The following PLXNB1 variants were observed in gnomAD, a reference collection of about 807,000 sequenced individuals.
The protein encoded by PLXNB1 is plexin-B1.
In PLXNB1, 106 loss-of-function variants were observed where a neutral mutation model predicts 209.4. That is an observed-to-expected ratio of 0.51 (90% CI 0.43 to 0.59). The LOEUF (loss-of-function observed/expected upper bound fraction) is 0.59. Ranked by LOEUF, PLXNB1 falls within the 20% of genes least tolerant of loss-of-function variation. The probability of loss-of-function intolerance (pLI) is 0.00; values close to 1 mark genes in which losing one functional copy is unlikely to be tolerated. For synonymous variants in PLXNB1, 1,167 were observed against 1,183.2 expected (o/e 0.99, Z 0.28); for missense variants, 2,357 against 2,853.2 (o/e 0.83, Z 3.96).
chr3:48,415,461 T>G lies in PLXNB1; in HGVS notation c.3795-114A>C, dbSNP rs115869055. 0.034 allele frequency: 46,593 copies of G among 1,363,016 alleles called. 907 individuals carry two copies. Among genetic ancestry groups the G allele is most frequent in the Non-Finnish European group, 0.042 (41,369 of 990,422 alleles). The allele number at this position is 1,363,016 out of a possible 1,614,324, so 84.4% of individuals were successfully genotyped here. On this transcript the variant is annotated intron_variant, in intron 19 of 37. Transcript: ENST00000296440. The surrounding 1 kb of genome is among the most constrained non-coding windows in gnomAD (Gnocchi z 5.0). ...CCCCAGCCCCAAACCACACGACCCC[T>G]TGCCCCTACTAGCAGCATGGGATTC...
Position 48,419,586 on chromosome 3 carries a change from G to C in PLXNB1, c.2700C>G (p.Leu900=). Residue 900 remains leucine, a synonymous_variant, in exon 11 of 38, where the codon CTC becomes CTG. Transcript: ENST00000296440. This position sits in a 1 kb window ranked among gnomAD's most constrained non-coding sequence, Gnocchi z 5.7. ...SLDYQYDTPG[L]WELEEATLGA... ...CTGGGCTGGGCCTCACCAGCTCCCAGAGCCCGGGGGTGTCATACTGGTAGT... is the reference window on the plus strand; with the variant it reads ...CTGGGCTGGGCCTCACCAGCTCCCACAGCCCGGGGGTGTCATACTGGTAGT... 5.6e-6 allele frequency: 9 copies of C among 1,605,012 alleles called. No homozygotes were observed. The highest frequency in any genetic ancestry group is 6.8e-6 in the Non-Finnish European group (8 of 1,173,810).
At position 48,413,744 on chromosome 3, in the gene PLXNB1, C is replaced by T; in HGVS notation, c.4461G>A (p.Val1487=). ...CCACCCCCAAGCCCACCTGGGCTGC[C>T]ACAGGAAAAGCCCCAGGGCTCTCGC... ...YDGESPGAFP[V]AAQVGLGVGT... is the part of the protein sequence containing the mutation. The change falls in exon 23 of 38, where the codon GTG becomes GTA. Residue 1487 remains valine (V), a synonymous_variant. Transcript: ENST00000296440. This position sits in a 1 kb window ranked among gnomAD's most constrained non-coding sequence, Gnocchi z 5.4. 6.2e-7 allele frequency: 1 copy of T among 1,613,816 alleles called. No homozygotes were observed. The highest frequency in any genetic ancestry group is 8.5e-7 in the Non-Finnish European group (1 of 1,180,020).
chr3:48,411,904 C>A lies in PLXNB1; in HGVS notation c.5206G>T (p.Asp1736Tyr). Residue 1736 changes from aspartate (D) to tyrosine (Y), a missense_variant, in exon 28 of 38, where the codon GAC (aspartate) becomes TAC (tyrosine). Around this residue, in one of 7 missense-constraint regions of PLXNB1, gnomAD observed 65 missense variants for 127.6 expected, o/e 0.51. Transcript: ENST00000296440. This position sits in a 1 kb window ranked among gnomAD's most constrained non-coding sequence, Gnocchi z 4.0. ...ACATCCTCTCTGAGCAGGCGGTTGT[C>A]GTTCAAGGTGTATTTGGCCTTGCCT... is the stretch of plus-strand genomic sequence containing the variant. Reference protein sequence around the residue: ...VTGKAKYTLNDNRLLREDVEY... With the variant: ...VTGKAKYTLNYNRLLREDVEY... 1.2e-6 allele frequency: 2 copies of A among 1,614,148 alleles called. No homozygotes were observed.
At chr3:48,423,423 A>G (rs1350325567) in intron 3 of PLXNB1, 82 bp downstream of exon 3, 14 of 1,474,340 alleles carry the variant, frequency 9.5e-6, no homozygotes, top group Non-Finnish European at 1.3e-5. Flanking sequence ...CTGCCCTCGG[A>G]CTCTCTGGGC....
In PLXNB1 at chr3:48,416,082, G is replaced by T; in HGVS notation, c.3566C>A (p.Thr1189Asn). 1 of 1,601,912 alleles carries T rather than the reference G, an allele frequency of 6.2e-7. No individual in the cohort carries two copies. Among genetic ancestry groups the T allele is most frequent in the Non-Finnish European group, 8.5e-7 (1 of 1,174,432 alleles). ...CACTCGGATGTCCTCCAGCCGCCCA[G>T]TCAGGAGCTTGGAGCCATTCAGGGT... ...RLTLNGSKLL[T>N]GRLEDIRVVV... The change falls in exon 18 of 38, where the codon ACT becomes AAT. Residue 1189 changes from threonine (T) to asparagine (N), a missense_variant. By Grantham distance (65) the Thr-to-Asn change is moderately conservative. Around this residue, in one of 7 missense-constraint regions of PLXNB1, gnomAD observed 743 missense variants for 896.2 expected, o/e 0.83. Coordinates refer to ENST00000296440, the MANE Select transcript of PLXNB1 (RefSeq NM_001130082.3). This position sits in a 1 kb window ranked among gnomAD's most constrained non-coding sequence, Gnocchi z 4.1.
At chr3:48,426,535 A>G (rs1429415385) in intron 1 of PLXNB1, among the ~76,000 whole-genome samples, 1 of 152,176 alleles carries the variant, frequency 6.6e-6, no homozygotes, top group Non-Finnish European at 1.5e-5. Flanking sequence ...ATGAGGCCTG[A>G]GCAGGGTACT....
At position 48,419,115 on chromosome 3, in the gene PLXNB1, C is replaced by T. The variant is rs891493358; in HGVS notation, c.2833-76G>A. The T allele has an allele frequency of 1.9e-6, 3 of 1,586,062 alleles. No homozygotes were observed. The highest frequency in any genetic ancestry group is 2.3e-5 in the East Asian group (1 of 44,430). ...GAGTCCTGCAGGTCACCCAACAGAT[C>T]CCCCAGCACAGCTTCTGGGTTGGAG... On this transcript the variant is annotated intron_variant, in intron 12 of 37. Transcript: ENST00000296440. This position sits in a 1 kb window ranked among gnomAD's most constrained non-coding sequence, Gnocchi z 5.7.
At chr3:48,422,525 C>G in intron 4 of PLXNB1, 66 bp from the exon 5 acceptor site, 1 of 1,476,126 alleles carries the variant, frequency 6.8e-7, no homozygotes, top group Non-Finnish European at 9.0e-7. Flanking sequence ...CCCTCCCCTC[C>G]TCCACCCAAT....
In PLXNB1 at chr3:48,414,408, G is replaced by A. The variant is rs897425677; in HGVS notation, c.4210-337C>T. 7.2e-5 allele frequency among the ~76,000 whole-genome samples: 11 copies of A among 152,140 alleles called. No homozygotes were observed. In the East Asian group the frequency reaches 7.7e-4, roughly 11 times the overall value. On this transcript the variant is annotated intron_variant, in intron 21 of 37. Transcript: ENST00000296440. ...TGCTGTATCAACCTGTGGTCTGCCC[G>A]CATGCCCATCTGCTGCCCACTGTGT...
chr3:48,427,881 C>T (rs568969920), intron 1 of PLXNB1, among the ~76,000 whole-genome samples: 9 of 152,350 alleles, frequency 5.9e-5, no homozygotes, highest in African/African-American at 1.9e-4. Context: ...GCCGCTCTGC[C>T]TCAGGCTTTC....
intron 6 of PLXNB1, 118 bp from the exon 7 acceptor site, chr3:48,421,924 C>G (rs1036741188): frequency 8.3e-6 from 12 of 1,450,728 alleles, no homozygotes; most frequent in Non-Finnish European, 1.0e-5. Flanking sequence ...ATGATAGAGG[C>G]TCCTGTGTCT....
In PLXNB1 at chr3:48,418,233, A is replaced by G. The variant is rs758863462; in HGVS notation, c.3180T>C (p.Ala1060=). The G allele has an allele frequency of 6.2e-7, 1 of 1,612,850 alleles. No individual in the cohort carries two copies. The highest frequency in any genetic ancestry group is 8.5e-7 in the Non-Finnish European group (1 of 1,179,756). ...CTGGGCACTGGGTGGCCACAGCCTC[A>G]GCCTCACCACAGGCCTCCCGGGTCA... ...RCVTREACGE[A]EAVATQCPAP... is the part of the protein sequence containing the mutation. Residue 1060 remains alanine (A), a synonymous_variant, in exon 15 of 38, where the codon GCT becomes GCC. Transcript: ENST00000296440. The surrounding 1 kb of genome is among the most constrained non-coding windows in gnomAD (Gnocchi z 6.6).
intron 34 of PLXNB1, among the ~76,000 whole-genome samples, chr3:48,407,923 C>A (rs1184246659): frequency 6.6e-6 from 1 of 152,202 alleles, no homozygotes; most frequent in South Asian, 2.1e-4. Context: ...CCCTTTGATT[C>A]TTAGCTCATT....
Position 48,415,302 on chromosome 3 carries a change from T to C in PLXNB1, c.3840A>G (p.Val1280=), listed in dbSNP as rs2038005453. Residue 1280 remains valine (V), a synonymous_variant, in exon 20 of 38, where the codon GTA becomes GTG. Coordinates refer to ENST00000296440, the MANE Select transcript of PLXNB1 (RefSeq NM_001130082.3). The surrounding 1 kb of genome is among the most constrained non-coding windows in gnomAD (Gnocchi z 5.0). ...CGGTCACCCGGATTCTTGGCGTCTG[T>C]ACCACGTCCAGATTCTGGCCACGGA... ...ICVRGQNLDV[V]QTPRIRVTVV... 1.1e-5 allele frequency: 17 copies of C among 1,613,480 alleles called. No individual in the cohort carries two copies. Among genetic ancestry groups the C allele is most frequent in the Admixed American group, 1.7e-5 (1 of 60,008 alleles).
intron 34 of PLXNB1, among the ~76,000 whole-genome samples, chr3:48,408,718 C>G (rs1188591511): frequency 6.6e-6 from 1 of 152,156 alleles, no homozygotes; most frequent in Non-Finnish European, 1.5e-5. Flanking sequence ...CAATCCATGT[C>G]TCTATCTGGA....
Position 48,413,184 on chromosome 3 carries a change from G to T in PLXNB1, c.4536-15C>A. The T allele has an allele frequency of 6.3e-7, 1 of 1,598,572 alleles. No homozygotes were observed. The highest frequency in any genetic ancestry group is 8.5e-7 in the Non-Finnish European group (1 of 1,170,864). On this transcript the variant is annotated splice_polypyrimidine_tract_variant and intron_variant, in intron 23 of 37. Transcript: ENST00000296440. This position sits in a 1 kb window ranked among gnomAD's most constrained non-coding sequence, Gnocchi z 5.4. ...TGCTCTTCCTCCTGCTCAGCCCCAG[G>T]GTCAGGAGAGGATGGCCAGATGAGT...
rs781756699 is a variant in PLXNB1 at position 48,412,844 on chromosome 3, G to A, written c.4752C>T (p.Pro1584=). 6.2e-7 allele frequency: 1 copy of A among 1,613,762 alleles called. No individual in the cohort carries two copies. Among genetic ancestry groups the A allele is most frequent in the East Asian group, 2.2e-5 (1 of 44,844 alleles). Residue 1584 remains proline, a synonymous_variant, in exon 25 of 38, where the codon CCC becomes CCT. Coordinates refer to ENST00000296440, the MANE Select transcript of PLXNB1 (RefSeq NM_001130082.3). ...RIFFPGHRES[P]LHRDLGVPES... is the part of the protein sequence containing the mutation. ...CAGGCACACCCAGGTCCCGGTGCAA[G>A]GGCGACTCGCGGTGCCCAGGGAAGA...
At position 48,421,343 on chromosome 3, in the gene PLXNB1, C is replaced by T; in HGVS notation, c.1695G>A (p.Gly565=). Residue 565 remains glycine (G), a synonymous_variant, in exon 8 of 38, where the codon GGG becomes GGA. Transcript: ENST00000296440. ...SVPDLPPLWP[G]ESYSCHFGEH... ...CCCCAAAGTGGCAGGAATATGACTC[C>T]CCTGGCCACAGGGGTGGCAGGTCTG... is the stretch of plus-strand genomic sequence containing the variant. 1 of 1,574,040 alleles carries T rather than the reference C, an allele frequency of 6.4e-7. No homozygotes were observed. The highest frequency in any genetic ancestry group is 8.6e-7 in the Non-Finnish European group (1 of 1,156,742).
In PLXNB1 at chr3:48,412,741, C is replaced by T; in HGVS notation, c.4854+1G>A. 1 of 1,611,844 alleles carries T rather than the reference C, an allele frequency of 6.2e-7. No homozygotes were observed. Among genetic ancestry groups the T allele is most frequent in the Non-Finnish European group, 8.5e-7 (1 of 1,178,774 alleles). ...GGCCAGGAAGATGCAGCTGGGGGTA[C>T]CTTGGTGAGGAAGAGCTTGCTGTTG... is the stretch of plus-strand genomic sequence containing the variant. On this transcript the variant is annotated splice_donor_variant, in intron 25 of 37. Transcript: ENST00000296440. LOFTEE classifies it high-confidence loss of function.
Sources: allele counts gnomAD v4.1 joint callset (sites outside exome capture counted in the v4.1 genomes callset), GRCh38; gene constraint gnomAD v4.1.1; regional missense constraint gnomAD v4.1.1; non-coding constraint Gnocchi (gnomAD v3.1); transcripts MANE v1.5; gene names NCBI Gene and HGNC (gene_info 2026-07-23, HGNC 2026-07-21).